CENPP: variants seen among roughly 807,000 people sequenced by gnomAD.
CENPP encodes centromere protein P.
Under a neutral mutation model 35.6 loss-of-function variants are expected in CENPP, and 24 were observed. The ratio of observed to expected loss-of-function variants is 0.67; its 90% CI spans 0.49 to 0.95. The LOEUF (loss-of-function observed/expected upper bound fraction) is 0.95, where lower values mean the gene tolerates loss of function less well. CENPP is among the 40% of genes least tolerant of loss of function. CENPP has a pLI of 0.00. For missense variants in CENPP, 332 were observed against 345.3 expected, an observed-to-expected ratio of 0.96 and a Z score of 0.31; for synonymous variants, 120 against 125.5, an observed-to-expected ratio of 0.96 and a Z score of 0.29.
chr9:92,607,652 C>T (rs140498395), intron 5 of CENPP, among the ~76,000 whole-genome samples: 111 of 152,274 alleles, frequency 7.3e-4, no homozygotes, highest in African/African-American at 2.6e-3. Flanking sequence ...GATGAGTTAA[C>T]GTATCTGTGG....
chr9:92,361,860 TATG>T (rs1841762511), intron 4 of CENPP, among the ~76,000 whole-genome samples: 1 of 152,164 alleles, frequency 6.6e-6, no homozygotes, highest in Non-Finnish European at 1.5e-5. Flanking sequence ...TTGACATTGA[TATG>T]ATACTTTTAT....
intron 5 of CENPP, among the ~76,000 whole-genome samples, chr9:92,406,444 C>G (rs939563259): frequency 6.6e-6 from 1 of 152,180 alleles, no homozygotes; most frequent in Non-Finnish European, 1.5e-5. Flanking sequence ...AAACATTCCT[C>G]TAATGTTGCA....
chr9:92,404,348 C>T (rs1429780266), intron 5 of CENPP: 16 of 360,710 alleles, frequency 4.4e-5, no homozygotes, highest in South Asian at 3.0e-4. Context: ...TAAATTTATG[C>T]GATGATATAC....
At chr9:92,554,278 G>A (rs542697450) in intron 5 of CENPP, among the ~76,000 whole-genome samples, 3 of 151,922 alleles carry the variant, frequency 2.0e-5, no homozygotes. Context: ...CTGCCTCCCA[G>A]GTTCAAGTGA....
chr9:92,352,505 G>GTGTGTATAAATATA, intron 4 of CENPP, among the ~76,000 whole-genome samples: 1 of 49,766 alleles, frequency 2.0e-5, no homozygotes. Flanking sequence ...GTGTGTGTGT[G>GTGTGTATAAATATA]TATACATATA....
At chr9:92,340,887 T>C (rs1841093562) in intron 3 of CENPP, among the ~76,000 whole-genome samples, 3 of 152,188 alleles carry the variant, frequency 2.0e-5, no homozygotes, top group East Asian at 1.9e-4. Flanking sequence ...ACAGCAATTG[T>C]TCAGGGAATA....
At chr9:92,367,047 C>T (rs1841904487) in intron 4 of CENPP, among the ~76,000 whole-genome samples, 1 of 152,224 alleles carries the variant, frequency 6.6e-6, no homozygotes, top group South Asian at 2.1e-4. Context: ...GCGGTAGCAG[C>T]ACACATTCAT....
At chr9:92,438,727 T>C (rs981291413) in intron 5 of CENPP, among the ~76,000 whole-genome samples, 1 of 152,162 alleles carries the variant, frequency 6.6e-6, no homozygotes, top group Non-Finnish European at 1.5e-5. Context: ...CCAAGGCAGG[T>C]GGATCACTTG....
At chr9:92,564,994 T>TA (rs536975282) in intron 5 of CENPP, among the ~76,000 whole-genome samples, 6 of 152,144 alleles carry the variant, frequency 3.9e-5, no homozygotes, top group Non-Finnish European at 5.9e-5. Context: ...ATAAAGTAGT[T>TA]AAAAAAATTA....
chr9:92,615,784 T>C lies in CENPP; in HGVS notation c.*2635T>C. 1 of 1,428,382 alleles carries C rather than the reference T, an allele frequency of 7.0e-7. No homozygotes were observed. Among genetic ancestry groups the C allele is most frequent in the South Asian group, 1.2e-5 (1 of 86,206 alleles). The allele number at this position is 1,428,382 out of a possible 1,614,324, so 88.5% of individuals were successfully genotyped here. A position where few individuals can be genotyped will look rare whatever the true frequency, so the allele number is the denominator to read the frequency against. On this transcript the variant is annotated 3_prime_UTR_variant, in exon 8 of 8. Transcript: ENST00000375587. ...ACACAACAGAAAATATCTCTATCAT[T>C]CAGCCTTCACATTATGTTCAAGTTT...
At chr9:92,536,234 T>C (rs952280821) in intron 5 of CENPP, 2 of 326,686 alleles carry the variant, frequency 6.1e-6, no homozygotes, top group African/African-American at 4.6e-5. Flanking sequence ...AGCATTTTGT[T>C]TGCAGGCTGA....
intron 5 of CENPP, among the ~76,000 whole-genome samples, chr9:92,569,834 T>C (rs1183358951): frequency 3.3e-5 from 5 of 152,146 alleles, no homozygotes; most frequent in Non-Finnish European, 7.4e-5. Flanking sequence ...TTTATTCTCT[T>C]TGAAGCAATT....
At chr9:92,454,729 C>CA (rs1357016441) in intron 5 of CENPP, among the ~76,000 whole-genome samples, 1 of 152,156 alleles carries the variant, frequency 6.6e-6, no homozygotes, top group African/African-American at 2.4e-5. Context: ...TCAGTGTTGT[C>CA]ACCCCTACCC....
intron 5 of CENPP, among the ~76,000 whole-genome samples, chr9:92,429,556 G>A (rs1844051086): frequency 6.6e-6 from 1 of 152,156 alleles, no homozygotes; most frequent in Non-Finnish European, 1.5e-5. Flanking sequence ...GGAGGCTGAG[G>A]AGGGCGGATT....
intron 5 of CENPP, among the ~76,000 whole-genome samples, chr9:92,518,600 G>A (rs1847874447): frequency 6.6e-6 from 1 of 152,076 alleles, no homozygotes; most frequent in Non-Finnish European, 1.5e-5. Context: ...TCACCCTTTT[G>A]AAGTGTATAA....
intron 5 of CENPP, among the ~76,000 whole-genome samples, chr9:92,577,144 A>T (rs1049525048): frequency 3.9e-5 from 6 of 152,192 alleles, no homozygotes; most frequent in Non-Finnish European, 8.8e-5. Context: ...TTATCTGTAA[A>T]ATTTGAAGAT....
intron 5 of CENPP, among the ~76,000 whole-genome samples, chr9:92,565,367 A>G (rs1432817847): frequency 6.7e-6 from 1 of 149,162 alleles, no homozygotes; most frequent in Non-Finnish European, 1.5e-5. Flanking sequence ...GTTGGGCCTC[A>G]TTCAAAGTCA....
intron 5 of CENPP, chr9:92,390,069 AAAT>A: frequency 6.9e-7 from 1 of 1,455,660 alleles, no homozygotes; most frequent in South Asian, 1.2e-5. Flanking sequence ...AGAGGGAAAA[AAAT>A]ATAAAAAACA....
At chr9:92,330,924 A>T (rs1840726361) in intron 1 of CENPP, among the ~76,000 whole-genome samples, 1 of 152,076 alleles carries the variant, frequency 6.6e-6, no homozygotes, top group South Asian at 2.1e-4. Flanking sequence ...TCCTGACCTC[A>T]AGTGATCCAC....
Sources: gnomAD v4.1 joint callset for allele counts (sites outside exome capture counted in the v4.1 genomes callset) on GRCh38, gnomAD v4.1.1 for gene constraint, MANE v1.5 for transcripts, NCBI Gene and HGNC (gene_info 2026-07-23, HGNC 2026-07-21) for gene names.